RFFL: variants seen among roughly 807,000 people sequenced by gnomAD.
RFFL encodes E3 ubiquitin-protein ligase rififylin.
RFFL carries 16 observed loss-of-function variants against 40.4 expected under a neutral mutation model. The observed-to-expected ratio is 0.40, with a 90% CI of 0.27 to 0.60. The LOEUF is 0.60. Ranked by LOEUF, RFFL falls within the 20% of genes least tolerant of loss-of-function variation. RFFL has a pLI of 0.47. For missense variants in RFFL, 367 were observed against 451.7 expected, an observed-to-expected ratio of 0.81 and a Z score of 1.70; for synonymous variants, 154 against 167.9, an observed-to-expected ratio of 0.92 and a Z score of 0.64.
upstream of RFFL, among the ~76,000 whole-genome samples, chr17:35,068,310 T>C (rs1210577667): frequency 2.6e-5 from 4 of 152,248 alleles, no homozygotes; most frequent in Non-Finnish European, 4.4e-5. Flanking sequence ...CAGTGCAGGC[T>C]TACAGTAACA....
At position 35,077,795 on chromosome 17, in the gene RFFL, T is replaced by C. The variant is rs547858237; in HGVS notation, c.-9+11310A>G. Among the ~76,000 whole-genome samples the C allele has an allele frequency of 6.6e-5, 10 of 152,324 alleles. No homozygotes were observed. In the South Asian group the frequency reaches 1.4e-3, roughly 22 times the overall value. On this transcript the variant is annotated intron_variant, in intron 1 of 6. Coordinates refer to the RFFL transcript ENST00000315249. ...ATCATTAGTGTTAGTGTATTTTATG[T>C]GTGGCCCAAGACAATTCTTCTTCTT... is the stretch of plus-strand genomic sequence containing the variant.
At chr17:35,024,266 C>T (rs2091027744) in intron 2 of RFFL, among the ~76,000 whole-genome samples, 1 of 152,152 alleles carries the variant, frequency 6.6e-6, no homozygotes, top group Admixed American at 6.5e-5. Context: ...GGAAGTATTA[C>T]ATGAGAGAAT....
At chr17:35,067,338 G>A (rs1462724194), upstream of RFFL, among the ~76,000 whole-genome samples, 7 of 151,512 alleles carry the variant, frequency 4.6e-5, no homozygotes, top group Admixed American at 1.3e-4. Flanking sequence ...GGCTGGTCTC[G>A]AACTCCTGAC....
chr17:35,065,910 T>C (rs546196963), upstream of RFFL, among the ~76,000 whole-genome samples: 30 of 152,288 alleles, frequency 2.0e-4, no homozygotes, highest in African/African-American at 6.7e-4. Flanking sequence ...TATGAGAATA[T>C]GAGGCTATGG....
At chr17:35,073,582 C>T (rs1179938005) in intron 1 of RFFL, among the ~76,000 whole-genome samples, 3 of 152,152 alleles carry the variant, frequency 2.0e-5, no homozygotes, top group Non-Finnish European at 4.4e-5. Flanking sequence ...GAATATTTGC[C>T]TCAAGCCCAG....
chr17:35,080,362 G>A (rs552915489), intron 1 of RFFL, among the ~76,000 whole-genome samples: 1 of 152,202 alleles, frequency 6.6e-6, no homozygotes, highest in African/African-American at 2.4e-5. Flanking sequence ...AAAAAGCATG[G>A]GAGGATTAGC....
intron 1 of RFFL, among the ~76,000 whole-genome samples, chr17:35,040,572 CAACCTGGGCGACAGAGCGA>C (rs2091157250): frequency 6.7e-6 from 1 of 149,084 alleles, no homozygotes; most frequent in Admixed American, 6.7e-5. Context: ...CACTGCACTC[CAACCTGGGCGACAGAGCGA>C]GACTCTCTCT....
At chr17:35,062,844 G>GAGT (rs2091301243) in intron 1 of RFFL, among the ~76,000 whole-genome samples, 1 of 152,166 alleles carries the variant, frequency 6.6e-6, no homozygotes, top group Non-Finnish European at 1.5e-5. Context: ...GAGGGAGATA[G>GAGT]AGTAGTAGCC....
At chr17:35,017,695 A>G (rs2090983244) in intron 3 of RFFL, 89 bp from the exon 4 acceptor site, 1 of 868,480 alleles carries the variant, frequency 1.2e-6, no homozygotes, top group African/African-American at 1.7e-5. Flanking sequence ...CAATGTCCAG[A>G]ATGTACTCCC....
chr17:35,017,923 C>T (rs2090984720), intron 3 of RFFL, among the ~76,000 whole-genome samples: 1 of 152,196 alleles, frequency 6.6e-6, no homozygotes, highest in East Asian at 1.9e-4. Flanking sequence ...AAGGGAAGGT[C>T]ATTGTGTCCA....
chr17:35,049,165 G>C (rs868117441), intron 1 of RFFL, among the ~76,000 whole-genome samples: 1 of 152,122 alleles, frequency 6.6e-6, no homozygotes, highest in African/African-American at 2.4e-5. Flanking sequence ...TAGCAGAAAG[G>C]CATGTTGTTC....
Position 35,006,065 on chromosome 17 carries a change from C to T in RFFL, c.*5903G>A. ...CTGCAGGGAAAAAAATAAAAATCCA[C>T]ACCTGAGAACAGATCCATACAACCT... On this transcript the variant is annotated 3_prime_UTR_variant, in exon 7 of 7. Coordinates refer to ENST00000394597, the MANE Select transcript of RFFL (RefSeq NM_001017368.2). The T allele has an allele frequency of 4.5e-6, 1 of 223,086 alleles. No homozygotes were observed. The highest frequency in any genetic ancestry group is 5.3e-5 in the Admixed American group (1 of 19,040). 13.8% of individuals were successfully genotyped at this position (223,086 alleles called of 1,614,324 possible).
At chr17:35,060,971 T>G (rs538802049) in intron 1 of RFFL, among the ~76,000 whole-genome samples, 20 of 151,960 alleles carry the variant, frequency 1.3e-4, no homozygotes, top group Non-Finnish European at 2.8e-4. Context: ...TCTTGCCAGT[T>G]AGAGAAGGGA....
chr17:35,084,817 A>C (rs868183890), intron 1 of RFFL, among the ~76,000 whole-genome samples: 23 of 150,810 alleles, frequency 1.5e-4, no homozygotes, highest in African/African-American at 5.6e-4. Flanking sequence ...AATTGCTTGA[A>C]CCCAGGAGAC....
In RFFL at chr17:35,069,587, T is replaced by C. The variant is rs548180322; in HGVS notation, c.-9+19518A>G. 28 of 284,132 alleles carry C rather than the reference T, an allele frequency of 9.9e-5. No homozygotes were observed. The Admixed American group carries it at 1.0e-3, about 11-fold the overall frequency. The allele number at this position is 284,132 out of a possible 1,614,324, so 17.6% of individuals were successfully genotyped here. Reference sequence around the variant, plus strand: ...TCCATCTGACTAAGCAGCTGATGAGTAGACAAATACCCAAAGGACTGTGCA... The same window carrying C: ...TCCATCTGACTAAGCAGCTGATGAGCAGACAAATACCCAAAGGACTGTGCA... On this transcript the variant is annotated intron_variant, in intron 1 of 6. Coordinates refer to the RFFL transcript ENST00000315249.
chr17:35,080,057 T>C (rs1320376985), intron 1 of RFFL, among the ~76,000 whole-genome samples: 2 of 152,038 alleles, frequency 1.3e-5, no homozygotes, highest in African/African-American at 2.4e-5. Context: ...AAATCCAGAT[T>C]CCTCAAACTA....
intron 1 of RFFL, among the ~76,000 whole-genome samples, chr17:35,055,059 G>A (rs1397017527): frequency 1.3e-5 from 2 of 151,746 alleles, no homozygotes; most frequent in Non-Finnish European, 2.9e-5. Context: ...CTGGGACTAC[G>A]GGTGCCCACC....
chr17:35,043,807 A>C (rs926025327), intron 1 of RFFL, among the ~76,000 whole-genome samples: 30 of 152,338 alleles, frequency 2.0e-4, no homozygotes, highest in East Asian at 1.3e-3. Flanking sequence ...CAGAATTAAA[A>C]TGGTCTGATT....
chr17:35,021,056 A>C (rs932431540), intron 3 of RFFL, among the ~76,000 whole-genome samples: 1 of 152,234 alleles, frequency 6.6e-6, no homozygotes, highest in South Asian at 2.1e-4. Context: ...AACAGAACTA[A>C]ATTTGATGGC....
Sources: gnomAD v4.1 joint callset for allele counts (sites outside exome capture counted in the v4.1 genomes callset) on GRCh38, gnomAD v4.1.1 for gene constraint, MANE v1.5 for transcripts, NCBI Gene and HGNC (gene_info 2026-07-23, HGNC 2026-07-21) for gene names.